MAEA: variants seen among roughly 807,000 people sequenced by gnomAD.
MAEA encodes E3 ubiquitin-protein transferase MAEA.
A neutral mutation model predicts 46.2 loss-of-function variants in MAEA; 22 were observed. The ratio of observed to expected loss-of-function variants is 0.48; its 90% CI spans 0.34 to 0.68. MAEA has a LOEUF of 0.68. MAEA is among the 30% of genes least tolerant of loss of function. The pLI, the probability that MAEA is intolerant of heterozygous loss-of-function variation, is 0.01. For missense variants in MAEA, 393 were observed against 558.1 expected (o/e 0.70, Z 2.98); for synonymous variants, 246 against 222.6 (o/e 1.11, Z -0.94).
chr4:1,307,994 A>G (rs1735997201), intron 1 of MAEA, among the ~76,000 whole-genome samples: 1 of 137,630 alleles, frequency 7.3e-6, no homozygotes, highest in Admixed American at 7.5e-5. Context: ...ATGAACCATT[A>G]CCTGTGCAGA....
At position 1,289,941 on chromosome 4, in the gene MAEA, T is replaced by C. The variant is rs756276986; in HGVS notation, c.28T>C (p.Leu10=). 1.9e-6 allele frequency: 3 copies of C among 1,602,440 alleles called. No homozygotes were observed. Residue 10 remains leucine, a synonymous_variant, in exon 1 of 9, where the codon TTG becomes CTG. Coordinates refer to ENST00000303400, the MANE Select transcript of MAEA (RefSeq NM_001017405.3). ...GGCGGTGCAGGAGTCGGCGGCTCAG[T>C]TGTCCATGACCCTGAAGGTCCAGGA... MAVQESAAQ[L]SMTLKVQEYP... is the part of the protein sequence containing the mutation.
intron 1 of MAEA, among the ~76,000 whole-genome samples, chr4:1,295,760 G>GTGCCTCTGCCCCCCTCACCCA (rs1430124789): frequency 1.3e-4 from 4 of 31,564 alleles, no homozygotes; most frequent in East Asian, 1.8e-3. Context: ...CCCCTCACCC[G>GTGCCTCTGCCCCCCTCACCCA]TGCCTCTGCC....
chr4:1,326,628 C>T (rs1738856748), intron 4 of MAEA, among the ~76,000 whole-genome samples: 1 of 152,028 alleles, frequency 6.6e-6, no homozygotes, highest in Non-Finnish European at 1.5e-5. Flanking sequence ...TCCCCCACCC[C>T]CGCCCCTGCC....
chr4:1,312,149 C>T lies in MAEA; in HGVS notation c.240C>T (p.Val80=). The T allele has an allele frequency of 6.2e-7, 1 of 1,613,950 alleles. No homozygotes were observed. The highest frequency in any genetic ancestry group is 8.5e-7 in the Non-Finnish European group (1 of 1,180,036). ...ACGGCGTGGTGGAGAAGCTCAGCGT[C>T]CTCAAGAGGAAGGTTGGTCCCGCCT... is the stretch of plus-strand genomic sequence containing the variant. The part of the protein sequence containing the change: ...LLDGVVEKLS[V]LKRKAVESIQ... Residue 80 remains valine (V), a synonymous_variant, in exon 2 of 9, where the codon GTC becomes GTT. Coordinates refer to ENST00000303400, the MANE Select transcript of MAEA (RefSeq NM_001017405.3).
chr4:1,318,966 A>C (rs73073737), intron 3 of MAEA, among the ~76,000 whole-genome samples: 3 of 114,686 alleles, frequency 2.6e-5, no homozygotes, highest in African/African-American at 7.6e-5. Flanking sequence ...GGAAGGCCAC[A>C]CAGGAACAGG....
chr4:1,312,423 A>ATTTTTTTTT lies in MAEA; in HGVS notation c.252+278_252+286dup, dbSNP rs34329974. 3.0e-4 allele frequency: 51 copies of ATTTTTTTTT among 172,008 alleles called. 5 individuals are homozygous for ATTTTTTTTT. The highest frequency in any genetic ancestry group is 2.1e-3 in the African/African-American group (42 of 20,378). The allele number at this position is 172,008 out of a possible 1,614,324, so 10.7% of individuals were successfully genotyped here. On this transcript the variant is annotated intron_variant, in intron 2 of 8. Transcript: ENST00000303400. ...ACCAGGATGTATAGCAGGTTGATTG[A>ATTTTTTTTT]TTTTTTTTTTTTTTTTTTTTTTTTG...
At chr4:1,304,951 T>G (rs1288471852) in intron 1 of MAEA, among the ~76,000 whole-genome samples, 1 of 152,228 alleles carries the variant, frequency 6.6e-6, no homozygotes, top group Non-Finnish European at 1.5e-5. Flanking sequence ...GCTTTGTGGC[T>G]TTATCCTTTT....
chr4:1,333,037 T>C (rs1712053408), intron 6 of MAEA, among the ~76,000 whole-genome samples, 172 bp downstream of exon 6: 1 of 152,062 alleles, frequency 6.6e-6, no homozygotes, highest in Non-Finnish European at 1.5e-5. Flanking sequence ...ATTTTGCTCA[T>C]AAGAAATTTG....
In MAEA at chr4:1,315,279, T is replaced by C. The variant is rs565767672; in HGVS notation, c.253-118T>C. On this transcript the variant is annotated intron_variant, in intron 2 of 8. Transcript: ENST00000303400. ...TCGGTAGAGCACGGTTTTTTTTCTG[T>C]CCCGTAATCCCTGCTTTTCTCCTTG... The C allele has an allele frequency of 2.1e-5, 20 of 959,566 alleles. No individual in the cohort carries two copies. In the African/African-American group the frequency reaches 3.3e-4, roughly 16 times the overall value. The allele number at this position is 959,566 out of a possible 1,614,324, so 59.4% of individuals were successfully genotyped here.
chr4:1,295,865 C>T (rs1281998716), intron 1 of MAEA, among the ~76,000 whole-genome samples: 2 of 116,094 alleles, frequency 1.7e-5, no homozygotes, highest in East Asian at 6.3e-4. Flanking sequence ...ACCACACCTG[C>T]GCCTTTGCCC....
rs187969692 is a variant in MAEA, at chr4:1,326,084, C to T, written c.580-1543C>T. The stretch of plus-strand genomic sequence containing the variant: ...TGGGCAGCCCAGTCCTCCCCACACC[C>T]ACGCGGAGCCACTGCTGTGGGTGCT... On this transcript the variant is annotated intron_variant, in intron 4 of 8. Transcript: ENST00000303400. 1.3e-3 allele frequency among the ~76,000 whole-genome samples: 195 copies of T among 152,364 alleles called. 3 individuals are homozygous for T. Among genetic ancestry groups the T allele is most frequent in the Middle Eastern group, 6.8e-3 (2 of 294 alleles).
chr4:1,320,184 C>CA (rs1180337912), intron 3 of MAEA, among the ~76,000 whole-genome samples: 1 of 92,372 alleles, frequency 1.1e-5, no homozygotes, highest in African/African-American at 5.6e-5. Context: ...GAAGGGGCTT[C>CA]AGAAATCATC....
At chr4:1,319,867 A>G (rs964923532) in intron 3 of MAEA, among the ~76,000 whole-genome samples, 4 of 152,188 alleles carry the variant, frequency 2.6e-5, no homozygotes, top group Non-Finnish European at 5.9e-5. Context: ...AAACACTATG[A>G]AGGGGCTCCA....
At chr4:1,303,490 G>A (rs528102592) in intron 1 of MAEA, among the ~76,000 whole-genome samples, 2 of 151,906 alleles carry the variant, frequency 1.3e-5, no homozygotes, top group African/African-American at 4.8e-5. Flanking sequence ...CGAATACCAC[G>A]GAAGACCATT....
intron 3 of MAEA, among the ~76,000 whole-genome samples, chr4:1,316,836 C>T (rs963116540): frequency 7.2e-5 from 11 of 152,074 alleles, no homozygotes; most frequent in Non-Finnish European, 1.3e-4. Flanking sequence ...ATGCAGCCAT[C>T]TGCACGCCCT....
At chr4:1,337,303 G>A (rs1008386218) in intron 7 of MAEA, 1 of 351,964 alleles carries the variant, frequency 2.8e-6, no homozygotes, top group Non-Finnish European at 5.1e-6. Context: ...TTACCATTCA[G>A]AATAGTTTTC....
In MAEA at chr4:1,294,038, T is replaced by C. The variant is rs187186479; in HGVS notation, c.69+4056T>C. ...CTGACACACACATTGGGTTGGACCC[T>C]GGTGATGCCGTGTCTGAGGAGTCTT... On this transcript the variant is annotated intron_variant, in intron 1 of 8. Coordinates refer to ENST00000303400, the MANE Select transcript of MAEA (RefSeq NM_001017405.3). Among the ~76,000 whole-genome samples, 9 of 152,368 alleles carry C rather than the reference T, an allele frequency of 5.9e-5. No homozygotes were observed. In the East Asian group the frequency reaches 1.7e-3, roughly 29 times the overall value.
chr4:1,312,419 A>G (rs1736625242), intron 2 of MAEA: 10 of 250,638 alleles, frequency 4.0e-5, no homozygotes, highest in Admixed American at 7.0e-5. Flanking sequence ...TAGCAGGTTG[A>G]TTGATTTTTT....
At position 1,339,372 on chromosome 4, in the gene MAEA, T is replaced by G; in HGVS notation, c.*203T>G. 1 of 574,400 alleles carries G rather than the reference T, an allele frequency of 1.7e-6. No individual in the cohort carries two copies. The allele number at this position is 574,400 out of a possible 1,614,324, so 35.6% of individuals were successfully genotyped here. On this transcript the variant is annotated 3_prime_UTR_variant, in exon 9 of 9. Transcript: ENST00000303400. ...TTGAAAACATTTGGATTGGTAGGAT[T>G]TTGTAACACGTCAACCATTTGATGC...
Sources: gnomAD v4.1 joint callset for allele counts (sites outside exome capture counted in the v4.1 genomes callset) on GRCh38, gnomAD v4.1.1 for gene constraint, MANE v1.5 for transcripts, NCBI Gene and HGNC (gene_info 2026-07-23, HGNC 2026-07-21) for gene names.